The following ZNF428 variants were observed in gnomAD, a reference collection of about 807,000 sequenced individuals.
ZNF428 encodes the protein zinc finger protein 428, also known as enzyme-like protein PIT13.
In ZNF428, 5 loss-of-function variants were observed where a neutral mutation model predicts 15.6. The observed-to-expected ratio is 0.32, with a 90% CI of 0.17 to 0.67. The LOEUF is 0.67. Ranked by LOEUF, ZNF428 falls within the 30% of genes least tolerant of loss-of-function variation. The pLI is 0.73. For synonymous variants in ZNF428, 97 were observed against 102.2 expected (o/e 0.95, Z 0.31); for missense variants, 237 against 256.0 (o/e 0.93, Z 0.51).
At position 43,607,610 on chromosome 19, in the gene ZNF428, G is replaced by A. The variant is rs1973252379; in HGVS notation, c.*7C>T. The A allele has an allele frequency of 1.3e-6, 2 of 1,564,400 alleles. No individual in the cohort carries two copies. The highest frequency in any genetic ancestry group is 1.7e-6 in the Non-Finnish European group (2 of 1,152,370). The stretch of plus-strand genomic sequence containing the variant: ...CTTCTGCCAAGCTCCCCGTATGGGG[G>A]CTCTGCCTACACCTCACCCCGGGCA... On this transcript the variant is annotated 3_prime_UTR_variant, in exon 3 of 3. Transcript: ENST00000300811. This position sits in a 1 kb window ranked among gnomAD's most constrained non-coding sequence, Gnocchi z 5.1.
At chr19:43,608,940 CAA>C (rs201526533) in intron 2 of ZNF428, among the ~76,000 whole-genome samples, 51 of 62,274 alleles carry the variant, frequency 8.2e-4, no homozygotes, top group Admixed American at 1.8e-3. Context: ...TAGAAAAAAG[CAA>C]AAAAAAAAAA....
At chr19:43,613,854 A>G (rs1973340530) in intron 2 of ZNF428, 14 of 1,551,474 alleles carry the variant, frequency 9.0e-6, no homozygotes, top group East Asian at 2.4e-5. Flanking sequence ...CCCAGCAAGG[A>G]GAGAGAGCGC....
intron 2 of ZNF428, among the ~76,000 whole-genome samples, chr19:43,609,474 AAAGGCCTGT>A (rs2146114041): frequency 6.6e-6 from 1 of 152,134 alleles, no homozygotes; most frequent in Admixed American, 6.6e-5. Context: ...GTTTAAAGAA[AAAGGCCTGT>A]AATCTAGCAC....
intron 2 of ZNF428, among the ~76,000 whole-genome samples, chr19:43,610,180 C>G (rs1985396): frequency 0.45 from 68,607 of 150,792 alleles, 16,327 homozygotes; most frequent in South Asian, 0.54. Flanking sequence ...GCACTCCCTA[C>G]GCCCCTTACT....
chr19:43,618,095 C>T (rs576306747), intron 1 of ZNF428, among the ~76,000 whole-genome samples: 120 of 134,780 alleles, frequency 8.9e-4, no homozygotes, highest in Non-Finnish European at 1.5e-3. Flanking sequence ...AGTGCAGTGG[C>T]ACGATCTCGG....
Position 43,607,922 on chromosome 19 carries a change from G to T in ZNF428, c.262C>A (p.Pro88Thr), listed in dbSNP as rs1161566069. The T allele has an allele frequency of 4.4e-6, 7 of 1,573,078 alleles. No homozygotes were observed. The East Asian group carries it at 1.6e-4, about 37-fold the overall frequency. The change falls in exon 3 of 3, where the codon CCC becomes ACC. Residue 88 changes from proline to threonine, a missense_variant. Transcript: ENST00000300811. This position sits in a 1 kb window ranked among gnomAD's most constrained non-coding sequence, Gnocchi z 5.1. ...PSRRAPRAAQ[P>T]PAQPCQLCGR... Reference sequence around the variant, plus strand: ...CAGAGCTGGCAAGGCTGGGCCGGGGGCTGGGCTGCACGGGGGGCCCGGCGG... The same window carrying T: ...CAGAGCTGGCAAGGCTGGGCCGGGGTCTGGGCTGCACGGGGGGCCCGGCGG...
At chr19:43,613,741 C>T in intron 2 of ZNF428, 1 of 1,551,556 alleles carries the variant, frequency 6.4e-7, no homozygotes, top group Non-Finnish European at 8.7e-7. Flanking sequence ...GAAGCCCCAA[C>T]AAGGAGAGAG....
intron 1 of ZNF428, among the ~76,000 whole-genome samples, chr19:43,615,240 C>T (rs996324874): frequency 2.6e-5 from 4 of 152,020 alleles, no homozygotes; most frequent in African/African-American, 9.7e-5. Context: ...AGCTAGGTGT[C>T]CCCTCCGATT....
intron 2 of ZNF428, among the ~76,000 whole-genome samples, chr19:43,608,796 C>T (rs1463988536): frequency 1.3e-5 from 2 of 149,440 alleles, no homozygotes; most frequent in Non-Finnish European, 3.0e-5. Context: ...GGTGTGGTGG[C>T]GGGCGCCTGT....
In ZNF428 at chr19:43,607,372, T is replaced by TACACACAC. The variant is rs3052821; in HGVS notation, c.*237_*244dup. 1.9e-5 allele frequency: 8 copies of TACACACAC among 419,736 alleles called. No individual in the cohort carries two copies. Among genetic ancestry groups the TACACACAC allele is most frequent in the African/African-American group, 1.1e-4 (5 of 47,380 alleles). 26.0% of individuals were successfully genotyped at this position (419,736 alleles called of 1,614,324 possible). A position where few individuals can be genotyped will look rare whatever the true frequency, so the allele number is the denominator to read the frequency against. ...TCCCCAAGAAGGAGCCCAGGGGGAA[T>TACACACAC]ACACACACACACACACACACACAAA... On this transcript the variant is annotated 3_prime_UTR_variant, in exon 3 of 3. Transcript: ENST00000300811. This position sits in a 1 kb window ranked among gnomAD's most constrained non-coding sequence, Gnocchi z 5.1.
In ZNF428 at chr19:43,613,217, A is replaced by G. The variant is rs773847224; in HGVS notation, c.76+1012T>C. On this transcript the variant is annotated intron_variant, in intron 2 of 2. Coordinates refer to ENST00000300811, the MANE Select transcript of ZNF428 (RefSeq NM_182498.4). The stretch of plus-strand genomic sequence containing the variant: ...AAACCCCAGCAAGGAAAGAAGTCAT[A>G]GCCATTCCAGAAGCTCCAGCAAAGA... 8 of 1,551,732 alleles carry G rather than the reference A, an allele frequency of 5.2e-6. No homozygotes were observed. Among genetic ancestry groups the G allele is most frequent in the Non-Finnish European group, 7.0e-6 (8 of 1,146,996 alleles).
rs1973308394 is a variant in ZNF428, at chr19:43,612,413, A to G, written c.76+1816T>C. 2 of 1,551,546 alleles carry G rather than the reference A, an allele frequency of 1.3e-6. No homozygotes were observed. The highest frequency in any genetic ancestry group is 2.7e-5 in the African/African-American group (2 of 73,018). On this transcript the variant is annotated intron_variant, in intron 2 of 2. Coordinates refer to ENST00000300811, the MANE Select transcript of ZNF428 (RefSeq NM_182498.4). This position sits in a 1 kb window ranked among gnomAD's most constrained non-coding sequence, Gnocchi z 4.2. ...AACACCCAGCAGGGTGAGCACCGACACCAGGACCAGCAAAGCCAGCAAGGC... is the reference window on the plus strand; with the variant it reads ...AACACCCAGCAGGGTGAGCACCGACGCCAGGACCAGCAAAGCCAGCAAGGC...
Position 43,612,840 on chromosome 19 carries a change from G to A in ZNF428, c.76+1389C>T, listed in dbSNP as rs1320671067. On this transcript the variant is annotated intron_variant, in intron 2 of 2. Transcript: ENST00000300811. The surrounding 1 kb of genome is among the most constrained non-coding windows in gnomAD (Gnocchi z 4.2). ...GACAACCCATCTCCATCCTCATCAA[G>A]GAAGGTGAAGAGCTACGGTCAGATG... The A allele has an allele frequency of 2.6e-6, 4 of 1,551,536 alleles. No individual in the cohort carries two copies. Among genetic ancestry groups the A allele is most frequent in the Admixed American group, 3.9e-5 (2 of 50,972 alleles).
At chr19:43,617,416 A>G (rs999232417) in intron 1 of ZNF428, among the ~76,000 whole-genome samples, 1 of 152,180 alleles carries the variant, frequency 6.6e-6, no homozygotes, top group African/African-American at 2.4e-5. Context: ...TGGTCCCTTC[A>G]AAGTCTGGAT....
rs1290846403 is a variant in ZNF428, at chr19:43,607,880, C to G, written c.304G>C (p.Gly102Arg). 6.4e-7 allele frequency: 1 copy of G among 1,558,516 alleles called. No homozygotes were observed. Reference protein sequence around the residue: ...PCQLCGRSPLGEAPPGTPPCR... With the variant: ...PCQLCGRSPLREAPPGTPPCR... ...GGTGGGGTTCCCGGTGGGGCCTCCC[C>G]AAGGGGTGAGCGGCCACAGAGCTGG... is the stretch of plus-strand genomic sequence containing the variant. Residue 102 changes from glycine to arginine, a missense_variant, in exon 3 of 3, where the codon GGG (glycine) becomes CGG (arginine). Gly to Arg is a moderately radical substitution (Grantham distance 125). Transcript: ENST00000300811. This position sits in a 1 kb window ranked among gnomAD's most constrained non-coding sequence, Gnocchi z 5.1.
rs770903120 is a variant in ZNF428, at chr19:43,607,757, C to T, written c.427G>A (p.Glu143Lys). Residue 143 changes from glutamate to lysine, a missense_variant, in exon 3 of 3, where the codon GAG (glutamate) becomes AAG (lysine). By Grantham distance (56) the Glu-to-Lys change is moderately conservative (BLOSUM62 1). Transcript: ENST00000300811. The surrounding 1 kb of genome is among the most constrained non-coding windows in gnomAD (Gnocchi z 5.1). ...TCCTCCCGCCCAGCTGGTCGGCCCT[C>T]CCCAGCCCGAGGTGGTTCCTCCTCT... is the stretch of plus-strand genomic sequence containing the variant. ...EEEEEPPRAG[E>K]GRPAGREEEE... The T allele has an allele frequency of 6.2e-7, 1 of 1,610,280 alleles. No homozygotes were observed. The highest frequency in any genetic ancestry group is 1.1e-5 in the South Asian group (1 of 90,548).
At chr19:43,616,486 C>A (rs1161054679) in intron 1 of ZNF428, among the ~76,000 whole-genome samples, 2 of 152,158 alleles carry the variant, frequency 1.3e-5, no homozygotes, top group Non-Finnish European at 2.9e-5. Flanking sequence ...CTCCTTTGTA[C>A]AGATGAGGAA....
chr19:43,616,554 C>G (rs549250428), intron 1 of ZNF428, among the ~76,000 whole-genome samples: 2 of 152,282 alleles, frequency 1.3e-5, no homozygotes, highest in African/African-American at 4.8e-5. Context: ...AGTGGATGAA[C>G]TAGGATTGGA....
At chr19:43,618,735 G>A (rs941328995) in intron 1 of ZNF428, among the ~76,000 whole-genome samples, 1 of 151,942 alleles carries the variant, frequency 6.6e-6, no homozygotes, top group Non-Finnish European at 1.5e-5. Context: ...TGATATTTGG[G>A]ACATACTTTT....
Sources: allele counts gnomAD v4.1 joint callset (sites outside exome capture counted in the v4.1 genomes callset), GRCh38; gene constraint gnomAD v4.1.1; non-coding constraint Gnocchi (gnomAD v3.1); transcripts MANE v1.5; gene names NCBI Gene and HGNC (gene_info 2026-07-23, HGNC 2026-07-21).